PRR14L: variants seen among roughly 807,000 people sequenced by gnomAD.
PRR14L encodes protein PRR14L.
Under a neutral mutation model 155.0 loss-of-function variants are expected in PRR14L, and 80 were observed. The ratio of observed to expected loss-of-function variants is 0.52; its 90% CI spans 0.43 to 0.62. The LOEUF is 0.62. Among genes scored for constraint, PRR14L ranks in the 20% least tolerant of loss-of-function variants. The pLI, the probability that PRR14L is intolerant of heterozygous loss-of-function variation, is 0.00. For synonymous variants in PRR14L, 883 were observed against 916.0 expected (o/e 0.96, Z 0.65); for missense variants, 2,469 against 2,548.0 (o/e 0.97, Z 0.67).
intron 3 of PRR14L, among the ~76,000 whole-genome samples, chr22:31,724,737 A>G (rs1359242321): frequency 6.6e-6 from 1 of 152,110 alleles, no homozygotes; most frequent in Non-Finnish European, 1.5e-5. Flanking sequence ...GACCTCTCTA[A>G]AGTAATCTAA....
chr22:31,732,150 A>T (rs149054797), intron 2 of PRR14L, among the ~76,000 whole-genome samples: 240 of 152,350 alleles, frequency 1.6e-3, no homozygotes, highest in African/African-American at 5.6e-3. Context: ...ACAAATAAGC[A>T]GATACTTCTA....
Position 31,713,785 on chromosome 22 carries a change from C to T in PRR14L, c.4054G>A (p.Gly1352Arg), listed in dbSNP as rs903517293. Residue 1352 changes from glycine (G) to arginine (R), a missense_variant, in exon 4 of 9, where the codon GGG (glycine) becomes AGG (arginine). Around this residue, in one of 2 missense-constraint regions of PRR14L, gnomAD observed 2,363 missense variants for 2,371.6 expected, o/e 1.00. Coordinates refer to ENST00000327423, the MANE Select transcript of PRR14L (RefSeq NM_173566.3). ...QRGRLGYLTV[G>R]EQSEELVTRE... ...GTAACCAACTCCTCAGATTGCTCCC[C>T]AACAGTTAAGTAACCCAGTCGTCCC... The T allele has an allele frequency of 6.4e-7, 1 of 1,552,234 alleles. No individual in the cohort carries two copies. Among genetic ancestry groups the T allele is most frequent in the African/African-American group, 1.4e-5 (1 of 73,046 alleles).
intron 7 of PRR14L, among the ~76,000 whole-genome samples, chr22:31,691,605 TA>T (rs2074512080): frequency 6.6e-6 from 1 of 152,220 alleles, no homozygotes; most frequent in Non-Finnish European, 1.5e-5. Context: ...TGGTAACCAC[TA>T]AACTACTTTC....
intron 2 of PRR14L, among the ~76,000 whole-genome samples, chr22:31,735,176 G>A (rs993603365): frequency 5.3e-5 from 8 of 152,158 alleles, no homozygotes; most frequent in African/African-American, 1.9e-4. Context: ...GCGGTGGCTT[G>A]CGCCTGTAAT....
intron 8 of PRR14L, among the ~76,000 whole-genome samples, chr22:31,686,016 CCT>C (rs2074480336): frequency 6.6e-6 from 1 of 152,060 alleles, no homozygotes; most frequent in African/African-American, 2.4e-5. Context: ...CTCACTGCAA[CCT>C]CTGTCTCCTG....
At chr22:31,688,901 TACACACACAC>T (rs149232375) in intron 7 of PRR14L, among the ~76,000 whole-genome samples, 105 of 147,860 alleles carry the variant, frequency 7.1e-4, no homozygotes, top group Middle Eastern at 3.4e-3. Context: ...AATATATACA[TACACACACAC>T]ACACACACAC....
At chr22:31,710,669 T>C (rs974041715) in intron 4 of PRR14L, among the ~76,000 whole-genome samples, 42 of 152,104 alleles carry the variant, frequency 2.8e-4, no homozygotes, top group African/African-American at 9.2e-4. Flanking sequence ...TTAGCCAGGA[T>C]GGTCTCGATC....
In PRR14L at chr22:31,740,069, A is replaced by AT. The variant is rs887102745; in HGVS notation, c.-51-1159dup. Among the ~76,000 whole-genome samples, 281 of 148,808 alleles carry AT rather than the reference A, an allele frequency of 1.9e-3. 1 individual carries two copies. Among genetic ancestry groups the AT allele is most frequent in the African/African-American group, 5.9e-3 (242 of 40,690 alleles). ...GCCAGATAAGATACTTCATGCTTTC[A>AT]TTTTTTTTTTAGACAGGATCTTGCT... On this transcript the variant is annotated intron_variant, in intron 1 of 8. Coordinates refer to ENST00000327423, the MANE Select transcript of PRR14L (RefSeq NM_173566.3).
chr22:31,723,648 G>A (rs1230414354), intron 3 of PRR14L, among the ~76,000 whole-genome samples: 4 of 151,818 alleles, frequency 2.6e-5, no homozygotes, highest in South Asian at 2.1e-4. Context: ...TCTCATCTTC[G>A]GAGGAATGTC....
chr22:31,712,026 C>T, intron 4 of PRR14L, 57 bp downstream of exon 4: 1 of 1,491,206 alleles, frequency 6.7e-7, no homozygotes, highest in Non-Finnish European at 9.1e-7. Flanking sequence ...CCTCTCATCT[C>T]CCCAGAGACA....
chr22:31,739,098 G>C (rs756466426), intron 1 of PRR14L, among the ~76,000 whole-genome samples, 187 bp from the exon 2 acceptor site: 2 of 152,178 alleles, frequency 1.3e-5, no homozygotes, highest in African/African-American at 2.4e-5. Context: ...AATAACGTTT[G>C]AGATTAGACA....
intron 7 of PRR14L, among the ~76,000 whole-genome samples, chr22:31,699,320 G>A (rs555744562): frequency 2.6e-5 from 4 of 152,316 alleles, no homozygotes; most frequent in East Asian, 3.9e-4. Context: ...TTACAGGCGT[G>A]AGCCACTGCT....
chr22:31,689,809 C>T (rs947075224), intron 7 of PRR14L, among the ~76,000 whole-genome samples: 1 of 152,062 alleles, frequency 6.6e-6, no homozygotes, highest in Non-Finnish European at 1.5e-5. Flanking sequence ...TGCAATGGCG[C>T]GATCTCAGCT....
At chr22:31,731,360 T>C (rs1043746296) in intron 2 of PRR14L, among the ~76,000 whole-genome samples, 5 of 151,684 alleles carry the variant, frequency 3.3e-5, no homozygotes, top group Non-Finnish European at 7.4e-5. Context: ...GTCAGGAGAT[T>C]GAGACCATCC....
chr22:31,732,957 AT>A (rs1485824612), intron 2 of PRR14L, among the ~76,000 whole-genome samples: 2 of 151,656 alleles, frequency 1.3e-5, no homozygotes, highest in Non-Finnish European at 2.9e-5. Context: ...AACCTTGTGT[AT>A]TAAGTATTGT....
chr22:31,698,336 C>T (rs941770180), intron 7 of PRR14L, among the ~76,000 whole-genome samples: 2 of 151,958 alleles, frequency 1.3e-5, no homozygotes, highest in African/African-American at 4.8e-5. Context: ...GATGTTATAA[C>T]TTCTATCCCC....
At chr22:31,710,473 GAC>G (rs1277044352) in intron 4 of PRR14L, among the ~76,000 whole-genome samples, 1 of 149,692 alleles carries the variant, frequency 6.7e-6, no homozygotes, top group Non-Finnish European at 1.5e-5. Flanking sequence ...TTTTTTTTGA[GAC>G]AGAGTCTCAC....
intron 3 of PRR14L, among the ~76,000 whole-genome samples, chr22:31,723,017 A>C (rs1366599854): frequency 1.3e-5 from 2 of 152,096 alleles, no homozygotes; most frequent in African/African-American, 2.4e-5. Flanking sequence ...GTCTCCACAG[A>C]ATCTTCTTCT....
chr22:31,696,031 T>C (rs905973973), intron 7 of PRR14L, among the ~76,000 whole-genome samples: 5 of 152,186 alleles, frequency 3.3e-5, no homozygotes, highest in African/African-American at 1.2e-4. Flanking sequence ...CTACTAAATA[T>C]GTTAGACCAG....
Sources: allele counts gnomAD v4.1 joint callset (sites outside exome capture counted in the v4.1 genomes callset), GRCh38; gene constraint gnomAD v4.1.1; regional missense constraint gnomAD v4.1.1; transcripts MANE v1.5; gene names NCBI Gene and HGNC (gene_info 2026-07-23, HGNC 2026-07-21).